Variants in CYP24A1 observed in about 807,000 individuals in gnomAD.
CYP24A1 encodes 1,25-dihydroxyvitamin D(3) 24-hydroxylase, mitochondrial.
Under a neutral mutation model 62.4 loss-of-function variants are expected in CYP24A1, and 68 were observed. The ratio of observed to expected loss-of-function variants is 1.09; its 90% CI spans 0.90 to 1.33. CYP24A1 has a LOEUF of 1.33. Among genes scored for constraint, CYP24A1 ranks in the 40% most tolerant of loss-of-function variants. CYP24A1 has a pLI of 0.00. For synonymous variants in CYP24A1, 267 were observed against 253.0 expected, an observed-to-expected ratio of 1.06 and a Z score of -0.52; for missense variants, 787 against 653.0, an observed-to-expected ratio of 1.21 and a Z score of -2.24.
Position 54,154,057 on chromosome 20 carries a change from G to C in CYP24A1, c.*715C>G, listed in dbSNP as rs6022987. ...CATTAGAACCCACACACACATACAC[G>C]GACACACACACACAGACACACACAC... On this transcript the variant is annotated 3_prime_UTR_variant, in exon 12 of 12. Transcript: ENST00000216862. 0.26 allele frequency: 39,929 copies of C among 151,540 alleles called. 5,759 individuals are homozygous for C. The highest frequency in any genetic ancestry group is 0.33 in the South Asian group (1,574 of 4,808). The allele number at this position is 151,540 out of a possible 1,614,324, so 9.4% of individuals were successfully genotyped here. A position where few individuals can be genotyped will look rare whatever the true frequency, so the allele number is the denominator to read the frequency against.
chr20:54,165,605 G>A (rs1474874284), intron 5 of CYP24A1, 137 bp downstream of exon 5: 8 of 712,732 alleles, frequency 1.1e-5, no homozygotes, highest in Non-Finnish European at 1.8e-5. Context: ...AATATATAAT[G>A]CACATTAAAA....
chr20:54,159,187 G>GA, intron 7 of CYP24A1, 64 bp from the exon 8 acceptor site: 5 of 1,340,774 alleles, frequency 3.7e-6, no homozygotes, highest in Non-Finnish European at 5.4e-6. Flanking sequence ...ACTATTAGCT[G>GA]AAAAAAAGGT....
intron 5 of CYP24A1, among the ~76,000 whole-genome samples, chr20:54,165,469 T>G (rs1452436061): frequency 6.6e-6 from 1 of 152,186 alleles, no homozygotes; most frequent in Non-Finnish European, 1.5e-5. Flanking sequence ...CGTAATGCAC[T>G]TAAATGATCC....
At chr20:54,164,647 C>T in intron 5 of CYP24A1, 84 bp from the exon 6 acceptor site, 1 of 1,609,756 alleles carries the variant, frequency 6.2e-7, no homozygotes, top group Middle Eastern at 1.7e-4. Flanking sequence ...ACATTCTAAA[C>T]CGCAGCACCC....
At chr20:54,146,362 G>A in the CYP24A1 span, among the ~76,000 whole-genome samples, 1 of 152,138 alleles carries the variant, frequency 6.6e-6, no homozygotes, top group Non-Finnish European at 1.5e-5. Context: ...ACTTCAGAAT[G>A]TTTCTTGATA....
At chr20:54,164,307 G>A in intron 6 of CYP24A1, 145 bp downstream of exon 6, 1 of 1,476,268 alleles carries the variant, frequency 6.8e-7, no homozygotes, top group Middle Eastern at 2.4e-4. Context: ...ATTTGTGTAT[G>A]CTGGGGCAAT....
intron 5 of CYP24A1, among the ~76,000 whole-genome samples, chr20:54,165,494 C>T (rs906673474): frequency 1.3e-5 from 2 of 152,188 alleles, no homozygotes; most frequent in African/African-American, 2.4e-5. Flanking sequence ...TCCCCTGCCC[C>T]ACCACCCTGC....
rs750777104 is a variant in CYP24A1, at chr20:54,172,946, G to T, written c.412C>A (p.Arg138Ser). ...RLEIKPWKAY[R>S]DYRKEGYGLL... The stretch of plus-strand genomic sequence containing the variant: ...CCGTAGCCTTCTTTGCGGTAGTCGC[G>T]ATAGGCCTTCCACGGTTTGATCTCC... Residue 138 changes from arginine to serine, a missense_variant, in exon 2 of 12, where the codon CGC becomes AGC. Arg to Ser is a moderately radical substitution (Grantham distance 110). Transcript: ENST00000216862. 1.9e-6 allele frequency: 3 copies of T among 1,613,672 alleles called. No individual in the cohort carries two copies. Among genetic ancestry groups the T allele is most frequent in the Admixed American group, 3.3e-5 (2 of 60,022 alleles).
chr20:54,171,122 ACTC>A (rs2092692347), intron 3 of CYP24A1, among the ~76,000 whole-genome samples: 1 of 151,848 alleles, frequency 6.6e-6, no homozygotes, highest in Non-Finnish European at 1.5e-5. Flanking sequence ...CTGCTTTCAG[ACTC>A]CTCCTGCAAA....
the CYP24A1 span, among the ~76,000 whole-genome samples, chr20:54,147,948 C>T: frequency 6.6e-6 from 1 of 152,132 alleles, no homozygotes; most frequent in African/African-American, 2.4e-5. Context: ...ATTCTCCTGC[C>T]TCAGCCTCCC....
At chr20:54,143,608 A>G in the CYP24A1 span, among the ~76,000 whole-genome samples, 1 of 152,090 alleles carries the variant, frequency 6.6e-6, no homozygotes, top group South Asian at 2.1e-4. Context: ...ATTTGGTTAC[A>G]TGAGTAAGTT....
intron 6 of CYP24A1, 122 bp downstream of exon 6, chr20:54,164,330 T>G (rs1268399603): frequency 1.3e-6 from 2 of 1,576,308 alleles, no homozygotes; most frequent in Admixed American, 3.6e-5. Flanking sequence ...CCAAAACACC[T>G]GTGTTTGCAA....
In CYP24A1 at chr20:54,164,446, C is replaced by G. The variant is rs763760614; in HGVS notation, c.844+6G>C. ...TTCTGGCTGGTTGTGAAGGGCGGCC[C>G]TTTACCTGATTTGAAAATGGTGTCC... is the stretch of plus-strand genomic sequence containing the variant. On this transcript the variant is annotated splice_donor_region_variant and intron_variant, in intron 6 of 11. Transcript: ENST00000216862. The G allele has an allele frequency of 1.1e-5, 17 of 1,614,112 alleles. No individual in the cohort carries two copies. The highest frequency in any genetic ancestry group is 9.3e-5 in the African/African-American group (7 of 75,028).
chr20:54,149,400 T>A (rs2092609200), downstream of CYP24A1, among the ~76,000 whole-genome samples: 1 of 152,210 alleles, frequency 6.6e-6, no homozygotes, highest in Non-Finnish European at 1.5e-5. Flanking sequence ...TGACTCCATA[T>A]TTTAGCTTTA....
In CYP24A1 at chr20:54,158,908, G is replaced by C. The variant is rs755992411; in HGVS notation, c.1157+49C>G. ...AGGGGACCACTTGTTTTGTGTTTAC[G>C]AGAACAGTGTTCTAACACATTTATA... On this transcript the variant is annotated intron_variant, in intron 8 of 11. Coordinates refer to ENST00000216862, the MANE Select transcript of CYP24A1 (RefSeq NM_000782.5). 18 of 1,613,780 alleles carry C rather than the reference G, an allele frequency of 1.1e-5. No homozygotes were observed. The Admixed American group carries it at 2.7e-4, about 24-fold the overall frequency.
rs1037960396 is a variant in CYP24A1 at position 54,173,214 on chromosome 20, C to A, written c.258+108G>T. The A allele has an allele frequency of 4.6e-6, 7 of 1,515,762 alleles. No homozygotes were observed. The highest frequency in any genetic ancestry group is 3.5e-5 in the Admixed American group (2 of 56,580). 93.9% of individuals were successfully genotyped at this position (1,515,762 alleles called of 1,614,324 possible). ...GGACCGGGGACCCTCCCTGCCCAGA[C>A]GCCGAAGCGCACCATGCGCCCGAGG... On this transcript the variant is annotated intron_variant, in intron 1 of 11. Transcript: ENST00000216862. This position sits in a 1 kb window ranked among gnomAD's most constrained non-coding sequence, Gnocchi z 7.2.
At chr20:54,171,491 T>C (rs1164346114) in intron 3 of CYP24A1, 86 bp downstream of exon 3, 7 of 1,611,138 alleles carry the variant, frequency 4.3e-6, no homozygotes, top group Non-Finnish European at 5.9e-6. Flanking sequence ...TCTTTTTTCC[T>C]TTGTTCTTTG....
At chr20:54,150,611 C>T (rs563831197), downstream of CYP24A1, among the ~76,000 whole-genome samples, 1 of 152,306 alleles carries the variant, frequency 6.6e-6, no homozygotes, top group East Asian at 1.9e-4. Flanking sequence ...CAGGCATGAG[C>T]CACCGTGCCC....
intron 7 of CYP24A1, among the ~76,000 whole-genome samples, chr20:54,161,314 G>C (rs906047205): frequency 1.3e-5 from 2 of 152,192 alleles, no homozygotes; most frequent in African/African-American, 2.4e-5. Context: ...CTTTCTCAGA[G>C]AGGGCTTCCC....
Sources: allele counts gnomAD v4.1 joint callset (sites outside exome capture counted in the v4.1 genomes callset), GRCh38; gene constraint gnomAD v4.1.1; non-coding constraint Gnocchi (gnomAD v3.1); transcripts MANE v1.5; gene names NCBI Gene and HGNC (gene_info 2026-07-23, HGNC 2026-07-21).